Variants in PEX14 observed in about 807,000 individuals in gnomAD.
PEX14 encodes the protein peroxisomal biogenesis factor 14.
In PEX14, 15 loss-of-function variants were observed where a neutral mutation model predicts 49.5. That is an observed-to-expected ratio of 0.30 (90% CI 0.20 to 0.47). The LOEUF is 0.47. Ranked by LOEUF, PEX14 falls within the 20% of genes least tolerant of loss-of-function variation. The probability of loss-of-function intolerance (pLI) is 1.00; values close to 1 mark genes in which losing one functional copy is unlikely to be tolerated. For synonymous variants in PEX14, 210 were observed against 212.7 expected (o/e 0.99, Z 0.11); for missense variants, 398 against 494.8 (o/e 0.80, Z 1.86).
At chr1:10,511,772 G>T (rs1451395190) in intron 2 of PEX14, among the ~76,000 whole-genome samples, 2 of 152,048 alleles carry the variant, frequency 1.3e-5, no homozygotes, top group Non-Finnish European at 2.9e-5. Context: ...TGGCCCGTGG[G>T]ACCTCTGACT....
chr1:10,613,610 T>G lies in PEX14; in HGVS notation c.299-4722T>G, dbSNP rs552093432. 3.3e-5 allele frequency among the ~76,000 whole-genome samples: 5 copies of G among 152,266 alleles called. No individual in the cohort carries two copies. In the South Asian group the frequency reaches 1.0e-3, roughly 32 times the overall value. On this transcript the variant is annotated intron_variant, in intron 4 of 8. Coordinates refer to ENST00000356607, the MANE Select transcript of PEX14 (RefSeq NM_004565.3). The surrounding 1 kb of genome is among the most constrained non-coding windows in gnomAD (Gnocchi z 5.0). ...AGAGATGCCAGGGCTTTGGTACTGG[T>G]GAGGAACCCCTGCCACGCAGCTAGG... is the stretch of plus-strand genomic sequence containing the variant.
intron 1 of PEX14, among the ~76,000 whole-genome samples, chr1:10,477,970 C>T (rs1296694654): frequency 6.6e-6 from 1 of 152,062 alleles, no homozygotes; most frequent in Non-Finnish European, 1.5e-5. Context: ...CTTACTGCAA[C>T]CTCCGCCTCC....
At chr1:10,588,735 A>G (rs112602481) in intron 3 of PEX14, among the ~76,000 whole-genome samples, 157 of 152,254 alleles carry the variant, frequency 1.0e-3, no homozygotes, top group African/African-American at 3.7e-3. Flanking sequence ...AGTAAGCTCT[A>G]TGTTACTTAA....
chr1:10,529,606 A>T lies in PEX14; in HGVS notation c.85-6607A>T, dbSNP rs568448668. Among the ~76,000 whole-genome samples, 4 of 152,366 alleles carry T rather than the reference A, an allele frequency of 2.6e-5. No homozygotes were observed. In the East Asian group the frequency reaches 7.7e-4, roughly 29 times the overall value. Reference sequence around the variant, plus strand: ...TAAATGGCAGAGATATTTCACTTTGAAAGGTAGTTTTTGTGCATGTGAAGT... The same window carrying T: ...TAAATGGCAGAGATATTTCACTTTGTAAGGTAGTTTTTGTGCATGTGAAGT... On this transcript the variant is annotated intron_variant, in intron 2 of 8. Transcript: ENST00000356607. The surrounding 1 kb of genome is among the most constrained non-coding windows in gnomAD (Gnocchi z 4.2).
At chr1:10,572,879 A>G (rs1389373920) in intron 3 of PEX14, among the ~76,000 whole-genome samples, 1 of 152,230 alleles carries the variant, frequency 6.6e-6, no homozygotes. Context: ...ATTTCATTGT[A>G]CAAATGTTAT....
At chr1:10,491,172 C>T (rs1262835405) in intron 1 of PEX14, among the ~76,000 whole-genome samples, 3 of 151,238 alleles carry the variant, frequency 2.0e-5, no homozygotes, top group African/African-American at 4.9e-5. Context: ...CGGCCTGCTT[C>T]GATTGTTTAA....
At chr1:10,478,712 G>A (rs751190559) in intron 1 of PEX14, among the ~76,000 whole-genome samples, 1 of 151,846 alleles carries the variant, frequency 6.6e-6, no homozygotes, top group African/African-American at 2.4e-5. Flanking sequence ...CTGAGTAACC[G>A]GGACTACAGG....
intron 3 of PEX14, among the ~76,000 whole-genome samples, chr1:10,565,149 G>A (rs952951111): frequency 3.9e-5 from 6 of 152,104 alleles, no homozygotes; most frequent in African/African-American, 9.7e-5. Flanking sequence ...TGATCTGCCC[G>A]CCTCGGCCTC....
At chr1:10,587,564 A>G (rs928819915) in intron 3 of PEX14, among the ~76,000 whole-genome samples, 1 of 152,224 alleles carries the variant, frequency 6.6e-6, no homozygotes, top group Non-Finnish European at 1.5e-5. Context: ...ACAACCTGGA[A>G]GAAGGTTTGA....
rs748746721 is a variant in PEX14 at position 10,495,313 on chromosome 1, G to C, written c.76G>C (p.Glu26Gln). 6.2e-7 allele frequency: 1 copy of C among 1,613,632 alleles called. No homozygotes were observed. The highest frequency in any genetic ancestry group is 1.1e-5 in the South Asian group (1 of 91,020). ...TPGSENVLPR[E>Q]PLIATAVKFL... Reference sequence around the variant, plus strand: ...AGGAAGTGAAAATGTGCTGCCTCGAGAGCCGCTGGTAAGTACCCAAGATAT... The same window carrying C: ...AGGAAGTGAAAATGTGCTGCCTCGACAGCCGCTGGTAAGTACCCAAGATAT... The change falls in exon 2 of 9, where the codon GAG becomes CAG. Residue 26 changes from glutamate (E) to glutamine (Q), a missense_variant. Around this residue, in one of 3 missense-constraint regions of PEX14, gnomAD observed 56 missense variants for 40.8 expected, o/e 1.37. Transcript: ENST00000356607. This position sits in a 1 kb window ranked among gnomAD's most constrained non-coding sequence, Gnocchi z 4.2.
intron 2 of PEX14, among the ~76,000 whole-genome samples, chr1:10,509,076 A>G (rs1641839942): frequency 6.6e-6 from 1 of 152,094 alleles, no homozygotes; most frequent in Non-Finnish European, 1.5e-5. Context: ...AGCTGGGACT[A>G]CAGGCGCCCG....
At chr1:10,605,604 G>A (rs531670743) in intron 4 of PEX14, among the ~76,000 whole-genome samples, 13 of 152,204 alleles carry the variant, frequency 8.5e-5, no homozygotes, top group Non-Finnish European at 1.3e-4. Flanking sequence ...TGGCCTGTGC[G>A]TAAGTGATAC....
chr1:10,486,458 C>T (rs754426906), intron 1 of PEX14, among the ~76,000 whole-genome samples: 16 of 150,372 alleles, frequency 1.1e-4, no homozygotes, highest in South Asian at 2.1e-4. Flanking sequence ...AGCAGGAGGA[C>T]TGCTTGAGGC....
At chr1:10,525,624 T>C (rs1239488101) in intron 2 of PEX14, among the ~76,000 whole-genome samples, 1 of 152,194 alleles carries the variant, frequency 6.6e-6, no homozygotes, top group Non-Finnish European at 1.5e-5. Context: ...TACTGTCAAT[T>C]TGAAGATTTT....
At chr1:10,600,403 A>G (rs1418175535) in intron 4 of PEX14, among the ~76,000 whole-genome samples, 1 of 151,982 alleles carries the variant, frequency 6.6e-6, no homozygotes, top group Non-Finnish European at 1.5e-5. Flanking sequence ...ACTGGGCAAC[A>G]AGAGCGAAAC....
Position 10,514,154 on chromosome 1 carries a change from C to CTGTGTG in PEX14, c.84+18834_84+18835insGTGTGT, listed in dbSNP as rs1557820855. On this transcript the variant is annotated intron_variant, in intron 2 of 8. Coordinates refer to ENST00000356607, the MANE Select transcript of PEX14 (RefSeq NM_004565.3). This position sits in a 1 kb window ranked among gnomAD's most constrained non-coding sequence, Gnocchi z 4.4. ...AAAAAATGTATAAAATAATCTATGC[C>CTGTGTG]TCTGTGTGTGTGTGTGTGTGTGTGT... Among the ~76,000 whole-genome samples the CTGTGTG allele has an allele frequency of 2.2e-5, 2 of 89,548 alleles. No individual in the cohort carries two copies. The highest frequency in any genetic ancestry group is 6.6e-4 in the East Asian group (2 of 3,024). The allele number at this position is 89,548 out of a possible 152,430, so 58.7% of individuals were successfully genotyped here.
intron 3 of PEX14, among the ~76,000 whole-genome samples, chr1:10,577,550 ATATATATATATATTTTTTTTT>A: frequency 7.7e-5 from 1 of 12,968 alleles, no homozygotes; most frequent in African/African-American, 2.7e-4. Flanking sequence ...ATATATATAT[ATATATATATATATTTTTTTTT>A]TTTTTTTTTT....
chr1:10,615,106 A>G (rs1427085715), intron 4 of PEX14, among the ~76,000 whole-genome samples: 1 of 152,192 alleles, frequency 6.6e-6, no homozygotes, highest in Admixed American at 6.5e-5. Context: ...TTAGACACCG[A>G]GTGTCACTGC....
At chr1:10,535,637 A>C (rs1638776725) in intron 2 of PEX14, among the ~76,000 whole-genome samples, 1 of 152,198 alleles carries the variant, frequency 6.6e-6, no homozygotes, top group South Asian at 2.1e-4. Flanking sequence ...AAGATGGTGT[A>C]ATTATGTCTT....
Sources: gnomAD v4.1 joint callset for allele counts (sites outside exome capture counted in the v4.1 genomes callset) on GRCh38, gnomAD v4.1.1 for gene constraint, gnomAD v4.1.1 regional missense constraint, Gnocchi (gnomAD v3.1) non-coding constraint, MANE v1.5 for transcripts, NCBI Gene and HGNC (gene_info 2026-07-23, HGNC 2026-07-21) for gene names.